EHHADH: variants seen among roughly 807,000 people sequenced by gnomAD.
EHHADH encodes the protein peroxisomal bifunctional enzyme.
A neutral mutation model predicts 64.4 loss-of-function variants in EHHADH; 48 were observed. The ratio of observed to expected loss-of-function variants is 0.75; its 90% CI spans 0.59 to 0.95. The LOEUF (loss-of-function observed/expected upper bound fraction) is 0.95, where lower values mean the gene tolerates loss of function less well. Ranked by LOEUF, EHHADH falls within the 40% of genes least tolerant of loss-of-function variation. The pLI is 0.00. For synonymous variants in EHHADH, 308 were observed against 326.7 expected, an observed-to-expected ratio of 0.94 and a Z score of 0.62; for missense variants, 854 against 876.6, an observed-to-expected ratio of 0.97 and a Z score of 0.33.
At chr3:185,207,968 C>T (rs1718440646) in intron 5 of EHHADH, among the ~76,000 whole-genome samples, 1 of 152,132 alleles carries the variant, frequency 6.6e-6, no homozygotes, top group Non-Finnish European at 1.5e-5. Flanking sequence ...AATATGCACA[C>T]AAAAAGATGC....
At position 185,204,582 on chromosome 3, in the gene EHHADH, G is replaced by A. The variant is rs754854776; in HGVS notation, c.744C>T (p.Gly248=). ...GAAACAGCTCCTCCTCCTTCTTGAT[G>A]CCCACTTCATAGGGATACTGCACAG... ...QAAVQYPYEV[G]IKKEEELFLY... The change falls in exon 6 of 7, where the codon GGC becomes GGT. Residue 248 remains glycine, a synonymous_variant. Coordinates refer to ENST00000231887, the MANE Select transcript of EHHADH (RefSeq NM_001966.4). The A allele has an allele frequency of 6.2e-7, 1 of 1,614,192 alleles. No homozygotes were observed. Among genetic ancestry groups the A allele is most frequent in the East Asian group, 2.2e-5 (1 of 44,886 alleles).
intron 6 of EHHADH, among the ~76,000 whole-genome samples, chr3:185,196,929 G>A (rs1025387357): frequency 1.3e-5 from 2 of 151,950 alleles, no homozygotes; most frequent in African/African-American, 4.8e-5. Context: ...TTGGGCTCAG[G>A]AGGCAGTGGT....
chr3:185,249,604 C>T (rs73052837), intron 1 of EHHADH, among the ~76,000 whole-genome samples: 1 of 152,316 alleles, frequency 6.6e-6, no homozygotes, highest in African/African-American at 2.4e-5. Context: ...GCACTCATGC[C>T]TCTCTCCTGC....
chr3:185,217,804 GC>G (rs1399740147), intron 5 of EHHADH, among the ~76,000 whole-genome samples: 1 of 148,616 alleles, frequency 6.7e-6, no homozygotes, highest in African/African-American at 2.5e-5. Flanking sequence ...TCGTTCTGTC[GC>G]CCAGGATGGA....
chr3:185,206,625 C>T (rs1718399200), intron 5 of EHHADH, among the ~76,000 whole-genome samples: 2 of 151,546 alleles, frequency 1.3e-5, no homozygotes, highest in Non-Finnish European at 1.5e-5. Context: ...CTCAGGAGTT[C>T]GAGACCAGCC....
intron 6 of EHHADH, among the ~76,000 whole-genome samples, chr3:185,195,571 A>T (rs1718035286): frequency 6.6e-6 from 1 of 152,242 alleles, no homozygotes; most frequent in Non-Finnish European, 1.5e-5. Flanking sequence ...CAGTAGCAGC[A>T]TTATTCAAAA....
In EHHADH at chr3:185,192,245, G is replaced by A. The variant is rs140662313; in HGVS notation, c.2153C>T (p.Ser718Phe). ...PLKEWQSLAG[S>F]PSSKL is the part of the protein sequence containing the mutation. ...ACTGAATCACAATTTACTGCTAGGGGAGCCTGCCAAGCTTTGCCATTCTTT... is the reference window on the plus strand; with the variant it reads ...ACTGAATCACAATTTACTGCTAGGGAAGCCTGCCAAGCTTTGCCATTCTTT... Residue 718 changes from serine (S) to phenylalanine (F), a missense_variant, in exon 7 of 7, where the codon TCC (serine) becomes TTC (phenylalanine). Transcript: ENST00000231887. The A allele has an allele frequency of 1.1e-5, 17 of 1,613,578 alleles. No individual in the cohort carries two copies. The African/African-American group carries it at 2.1e-4, about 20-fold the overall frequency.
rs140499163 is a variant in EHHADH at position 185,191,818 on chromosome 3, T to C, written c.*408A>G. Reference sequence around the variant, plus strand: ...AACTTTAATGTTTGTTGAGTGTATGTATGATTCATAAGATTTCTGATCAAT... The same window carrying C: ...AACTTTAATGTTTGTTGAGTGTATGCATGATTCATAAGATTTCTGATCAAT... On this transcript the variant is annotated 3_prime_UTR_variant, in exon 7 of 7. Transcript: ENST00000231887. 12 of 188,674 alleles carry C rather than the reference T, an allele frequency of 6.4e-5. No individual in the cohort carries two copies. In the East Asian group the frequency reaches 1.7e-3, roughly 26 times the overall value. The allele number at this position is 188,674 out of a possible 1,614,324, so 11.7% of individuals were successfully genotyped here. A position where few individuals can be genotyped will look rare whatever the true frequency, so the allele number is the denominator to read the frequency against.
intron 3 of EHHADH, among the ~76,000 whole-genome samples, chr3:185,233,874 G>C (rs1023785131): frequency 6.6e-6 from 1 of 152,104 alleles, no homozygotes; most frequent in South Asian, 2.1e-4. Context: ...TCGATCTCCT[G>C]ACTTTGTGAT....
intron 6 of EHHADH, among the ~76,000 whole-genome samples, chr3:185,195,817 A>G (rs564655094): frequency 1.3e-5 from 2 of 152,202 alleles, no homozygotes; most frequent in Non-Finnish European, 2.9e-5. Context: ...AAACCTACCT[A>G]TCGGGTACTG....
intron 5 of EHHADH, among the ~76,000 whole-genome samples, chr3:185,209,227 T>C (rs2108632440): frequency 6.6e-6 from 1 of 152,242 alleles, no homozygotes; most frequent in East Asian, 1.9e-4. Flanking sequence ...TTGAAGAACA[T>C]AAAATAAGAC....
chr3:185,242,480 A>G (rs1162643332), intron 2 of EHHADH, among the ~76,000 whole-genome samples: 4 of 152,246 alleles, frequency 2.6e-5, no homozygotes, highest in Non-Finnish European at 4.4e-5. Flanking sequence ...ACATAGACCA[A>G]TGGAACAGAA....
intron 1 of EHHADH, among the ~76,000 whole-genome samples, chr3:185,252,161 G>A (rs964621684): frequency 2.0e-5 from 3 of 152,128 alleles, no homozygotes; most frequent in Non-Finnish European, 4.4e-5. Context: ...CAGCACTTTG[G>A]GAGGCCGAGG....
chr3:185,229,430 A>G lies in EHHADH; in HGVS notation c.463+2T>C, dbSNP rs768309947. The G allele has an allele frequency of 2.6e-6, 4 of 1,520,898 alleles. No individual in the cohort carries two copies. Among genetic ancestry groups the G allele is most frequent in the Non-Finnish European group, 3.6e-6 (4 of 1,125,188 alleles). 94.2% of individuals were successfully genotyped at this position (1,520,898 alleles called of 1,614,324 possible). A position where few individuals can be genotyped will look rare whatever the true frequency, so the allele number is the denominator to read the frequency against. On this transcript the variant is annotated splice_donor_variant, in intron 4 of 6. Transcript: ENST00000231887. LOFTEE classifies it high-confidence loss of function. ...ACAGTTGTTGCCAAGGTCTATACTG[A>G]CCTGAGGTAATTAAGTCAAGTGCAG...
At chr3:185,206,398 T>G (rs1479989553) in intron 5 of EHHADH, among the ~76,000 whole-genome samples, 1 of 151,474 alleles carries the variant, frequency 6.6e-6, no homozygotes, top group East Asian at 1.9e-4. Context: ...GAAGAAAATA[T>G]AAAAAAATTT....
chr3:185,246,764 C>G (rs1019053604), intron 2 of EHHADH, among the ~76,000 whole-genome samples: 1 of 152,018 alleles, frequency 6.6e-6, no homozygotes, highest in Admixed American at 6.6e-5. Context: ...TTTATTATTT[C>G]CTTTCTTCTA....
At chr3:185,228,932 T>C (rs1426881714) in intron 4 of EHHADH, among the ~76,000 whole-genome samples, 1 of 151,656 alleles carries the variant, frequency 6.6e-6, no homozygotes, top group African/African-American at 2.4e-5. Context: ...GTCTCCCGAG[T>C]AGCTGGGATT....
chr3:185,196,210 G>A (rs1718057754), intron 6 of EHHADH, among the ~76,000 whole-genome samples: 1 of 151,740 alleles, frequency 6.6e-6, no homozygotes, highest in Non-Finnish European at 1.5e-5. Context: ...TGATTTTCCT[G>A]TATCAATGTC....
Position 185,229,473 on chromosome 3 carries a change from C to G in EHHADH, c.422G>C (p.Arg141Thr). ...AAGTGCAGCAGGAACTCCAGTGAGTCTGGGGAGAAGCTGGGTTCCTCTTGC... is the reference window on the plus strand; with the variant it reads ...AAGTGCAGCAGGAACTCCAGTGAGTGTGGGGAGAAGCTGGGTTCCTCTTGC... Reference protein sequence around the residue: ...PGARGTQLLPRLTGVPAALDL... With the variant: ...PGARGTQLLPTLTGVPAALDL... Residue 141 changes from arginine (R) to threonine (T), a missense_variant, in exon 4 of 7, where the codon AGA becomes ACA. Arg to Thr is a moderately conservative substitution (Grantham distance 71). Transcript: ENST00000231887. 6.3e-7 allele frequency: 1 copy of G among 1,576,930 alleles called. No individual in the cohort carries two copies. Among genetic ancestry groups the G allele is most frequent in the Non-Finnish European group, 8.6e-7 (1 of 1,158,760 alleles).
Sources: allele counts gnomAD v4.1 joint callset (sites outside exome capture counted in the v4.1 genomes callset), GRCh38; gene constraint gnomAD v4.1.1; transcripts MANE v1.5; gene names NCBI Gene and HGNC (gene_info 2026-07-23, HGNC 2026-07-21).